Variants in EYA1 observed in about 807,000 individuals in gnomAD.
The protein encoded by EYA1 is protein phosphatase EYA1.
EYA1 carries 16 observed loss-of-function variants against 82.0 expected under a neutral mutation model. The observed-to-expected ratio is 0.20, with a 90% CI of 0.13 to 0.30. The LOEUF is 0.30. Ranked by LOEUF, EYA1 falls within the 10% of genes least tolerant of loss-of-function variation. EYA1 has a pLI of 1.00. For synonymous variants in EYA1, 261 were observed against 264.4 expected (o/e 0.99, Z 0.12); for missense variants, 633 against 730.7 (o/e 0.87, Z 1.54).
intron 7 of EYA1, among the ~76,000 whole-genome samples, chr8:71,311,478 G>C (rs914013331): frequency 8.5e-5 from 13 of 152,130 alleles, no homozygotes; most frequent in African/African-American, 3.1e-4. Context: ...ACTGACCCAA[G>C]GGTCTCCAGG....
intron 2 of EYA1, among the ~76,000 whole-genome samples, chr8:71,414,497 G>C (rs887072516): frequency 2.0e-5 from 3 of 152,196 alleles, no homozygotes; most frequent in Non-Finnish European, 4.4e-5. Context: ...CAGAGAAAGA[G>C]CTAGAGGTTT....
At chr8:71,278,556 TCC>T (rs1307673111) in intron 9 of EYA1, among the ~76,000 whole-genome samples, 15 of 152,374 alleles carry the variant, frequency 9.8e-5, no homozygotes, top group Middle Eastern at 3.4e-3. Context: ...AAAATTATAT[TCC>T]CTCTGTGAAC....
intron 2 of EYA1, among the ~76,000 whole-genome samples, chr8:71,437,187 T>A (rs1459741697): frequency 1.3e-5 from 2 of 151,642 alleles, no homozygotes; most frequent in African/African-American, 2.4e-5. Flanking sequence ...AATTTTTGAT[T>A]TTTTGTCCAT....
At chr8:71,252,402 A>G (rs1813859100) in intron 11 of EYA1, among the ~76,000 whole-genome samples, 2 of 152,212 alleles carry the variant, frequency 1.3e-5, no homozygotes, top group Non-Finnish European at 1.5e-5. Flanking sequence ...TCTCTGCAGC[A>G]CTACCATAAA....
At chr8:71,426,855 G>A (rs986654645) in intron 2 of EYA1, among the ~76,000 whole-genome samples, 1 of 152,060 alleles carries the variant, frequency 6.6e-6, no homozygotes, top group Non-Finnish European at 1.5e-5. Flanking sequence ...GGCTTTTTAT[G>A]TATGACTAAA....
intron 2 of EYA1, among the ~76,000 whole-genome samples, chr8:71,392,171 C>T (rs182178493): frequency 6.6e-6 from 1 of 152,050 alleles, no homozygotes; most frequent in East Asian, 1.9e-4. Flanking sequence ...GTGGAGGGAA[C>T]CTTCTGCTCC....
chr8:71,395,074 C>G (rs1192692249), intron 2 of EYA1, among the ~76,000 whole-genome samples: 2 of 152,132 alleles, frequency 1.3e-5, no homozygotes, highest in Non-Finnish European at 2.9e-5. Flanking sequence ...GGAGTTCACC[C>G]ATGATTTGGT....
intron 16 of EYA1, among the ~76,000 whole-genome samples, chr8:71,214,258 C>T (rs1310863520): frequency 6.6e-6 from 1 of 152,126 alleles, no homozygotes; most frequent in Admixed American, 6.6e-5. Flanking sequence ...CATGCCTAGA[C>T]CCAAGTATAC....
At chr8:71,453,261 G>A (rs866097525) in intron 2 of EYA1, among the ~76,000 whole-genome samples, 1 of 152,196 alleles carries the variant, frequency 6.6e-6, no homozygotes, top group Non-Finnish European at 1.5e-5. Context: ...CAATAAATAT[G>A]AGACTATGTG....
intron 2 of EYA1, among the ~76,000 whole-genome samples, chr8:71,456,206 T>G (rs1807890936): frequency 6.6e-6 from 1 of 152,140 alleles, no homozygotes; most frequent in African/African-American, 2.4e-5. Context: ...ACAAGGGATG[T>G]GAAGGACCTC....
At chr8:71,445,067 T>C (rs1255987965) in intron 2 of EYA1, among the ~76,000 whole-genome samples, 1 of 152,236 alleles carries the variant, frequency 6.6e-6, no homozygotes, top group Non-Finnish European at 1.5e-5. Context: ...TTGCCACTAG[T>C]AGAATACCTT....
rs143345059 is a variant in EYA1 at position 71,203,685 on chromosome 8, C to T, written c.1699-4265G>A. 7.0e-3 allele frequency among the ~76,000 whole-genome samples: 1,071 copies of T among 151,924 alleles called. 13 individuals are homozygous for T. The highest frequency in any genetic ancestry group is 0.025 in the African/African-American group (1,013 of 41,272). On this transcript the variant is annotated intron_variant, in intron 17 of 17. Transcript: ENST00000340726. ...ACTTTTGTCTTGTAAATGGAAGGAG[C>T]GAGAGGCTAACACTTCCTCAGTGCC...
chr8:71,198,635 C>A lies in EYA1; in HGVS notation c.*705G>T, dbSNP rs79700717. 0.012 allele frequency: 1,810 copies of A among 152,868 alleles called. 23 individuals carry two copies. Among genetic ancestry groups the A allele is most frequent in the South Asian group, 0.033 (159 of 4,830 alleles). 9.5% of individuals were successfully genotyped at this position (152,868 alleles called of 1,614,324 possible). ...AAAAATTCTTTCTGTACATGATTGT[C>A]TCAGTGATGTACATATTATACGTTT... is the stretch of plus-strand genomic sequence containing the variant. On this transcript the variant is annotated 3_prime_UTR_variant, in exon 18 of 18. Transcript: ENST00000340726.
At chr8:71,388,849 T>C (rs763087053) in intron 2 of EYA1, among the ~76,000 whole-genome samples, 4 of 152,266 alleles carry the variant, frequency 2.6e-5, no homozygotes, top group Non-Finnish European at 4.4e-5. Context: ...TAAAGTCTTA[T>C]GCTGACTGGT....
At chr8:71,459,290 T>C (rs926371980) in intron 2 of EYA1, among the ~76,000 whole-genome samples, 1 of 152,178 alleles carries the variant, frequency 6.6e-6, no homozygotes, top group Admixed American at 6.6e-5. Flanking sequence ...CTCACTTCCA[T>C]AACTTTAATT....
At chr8:71,524,624 A>G (rs1813677439) in intron 2 of EYA1, among the ~76,000 whole-genome samples, 1 of 152,226 alleles carries the variant, frequency 6.6e-6, no homozygotes, top group African/African-American at 2.4e-5. Flanking sequence ...ATATAATAAA[A>G]AATCTGAGTA....
chr8:71,228,397 C>T (rs1017280421), intron 12 of EYA1, among the ~76,000 whole-genome samples: 1 of 151,932 alleles, frequency 6.6e-6, no homozygotes, highest in African/African-American at 2.4e-5. Flanking sequence ...CCTGGTGTGC[C>T]TGCCCCCAAA....
intron 11 of EYA1, among the ~76,000 whole-genome samples, chr8:71,260,045 A>C (rs1814911293): frequency 1.3e-5 from 2 of 152,192 alleles, no homozygotes. Context: ...GGTTCTCTTT[A>C]TTGCTAGATA....
intron 11 of EYA1, among the ~76,000 whole-genome samples, chr8:71,249,315 A>C (rs1437529940): frequency 6.6e-6 from 1 of 152,120 alleles, no homozygotes; most frequent in Non-Finnish European, 1.5e-5. Context: ...TGGGTAATTT[A>C]TAAAGAAAAG....
Sources: gnomAD v4.1 joint callset for allele counts (sites outside exome capture counted in the v4.1 genomes callset) on GRCh38, gnomAD v4.1.1 for gene constraint, MANE v1.5 for transcripts, NCBI Gene and HGNC (gene_info 2026-07-23, HGNC 2026-07-21) for gene names.